C7: variants seen among roughly 807,000 people sequenced by gnomAD.
The protein encoded by C7 is complement component C7.
Under a neutral mutation model 104.8 loss-of-function variants are expected in C7, and 83 were observed. The observed-to-expected ratio is 0.79, with a 90% CI of 0.66 to 0.95. The LOEUF (loss-of-function observed/expected upper bound fraction) is 0.95. C7 is among the 40% of genes least tolerant of loss of function. The probability of loss-of-function intolerance (pLI) is 0.00; values close to 1 mark genes in which losing one functional copy is unlikely to be tolerated. For missense variants in C7, 1,070 were observed against 1,011.2 expected, an observed-to-expected ratio of 1.06 and a Z score of -0.79; for synonymous variants, 415 against 360.6, an observed-to-expected ratio of 1.15 and a Z score of -1.71.
chr5:40,972,546 A>G lies in C7; in HGVS notation c.2026A>G (p.Ser676Gly), dbSNP rs1579875501. Residue 676 changes from serine to glycine, a missense_variant, in exon 15 of 18, where the codon AGC (serine) becomes GGC (glycine). By Grantham distance (56) the Ser-to-Gly change is moderately conservative. Coordinates refer to ENST00000313164, the MANE Select transcript of C7 (RefSeq NM_000587.4). Reference protein sequence around the residue: ...EGPSAFLCGSSLKWSPEMKNA... With the variant: ...EGPSAFLCGSGLKWSPEMKNA... ...TCCTTCAGCATTTCTCTGTGGCTCC[A>G]GCCTTAAGTGGAGTCCTGAGATGAA... 3.1e-6 allele frequency: 5 copies of G among 1,613,190 alleles called. No individual in the cohort carries two copies. Among genetic ancestry groups the G allele is most frequent in the Non-Finnish European group, 4.2e-6 (5 of 1,179,510 alleles).
In C7 at chr5:40,983,218, G is replaced by GAC. The variant is rs1475923488; in HGVS notation, c.*1646_*1647insCA. On this transcript the variant is annotated 3_prime_UTR_variant, in exon 18 of 18. Transcript: ENST00000313164. ...GACACATTTGAACATGCTAGGCCTG[G>GAC]ATGCAGACCCTGAGACAAAAGGTTG... 6.6e-6 allele frequency among the ~76,000 whole-genome samples: 1 copy of GAC among 152,188 alleles called. No homozygotes were observed. The highest frequency in any genetic ancestry group is 6.5e-5 in the Admixed American group (1 of 15,276).
Position 40,931,115 on chromosome 5 carries a change from A to G in C7, c.114A>G (p.Glu38=), listed in dbSNP as rs773585581. 3 of 1,613,316 alleles carry G rather than the reference A, an allele frequency of 1.9e-6. No individual in the cohort carries two copies. In the South Asian group the frequency reaches 3.3e-5, roughly 18 times the overall value. The change falls in exon 3 of 18, where the codon GAA becomes GAG. Residue 38 remains glutamate (E), a synonymous_variant. Transcript: ENST00000313164. The part of the protein sequence containing the change: ...CQWDFYAPWS[E]CNGCTKTQTR... ...GGGACTTCTATGCCCCTTGGTCAGAATGCAATGGCTGTACCAAGACTCAGG... is the reference window on the plus strand; with the variant it reads ...GGGACTTCTATGCCCCTTGGTCAGAGTGCAATGGCTGTACCAAGACTCAGG...
Position 40,982,897 on chromosome 5 carries a change from T to C in C7, c.*1324T>C, listed in dbSNP as rs968438029. The C allele has an allele frequency of 3.3e-5, 5 of 152,368 alleles. No individual in the cohort carries two copies. The highest frequency in any genetic ancestry group is 7.3e-5 in the Non-Finnish European group (5 of 68,034). The allele number at this position is 152,368 out of a possible 1,614,324, so 9.4% of individuals were successfully genotyped here. ...GGTAAATATATTTCAAAACTTCAGA[T>C]GACAAGGATTAGAACACTCATTAAA... On this transcript the variant is annotated 3_prime_UTR_variant, in exon 18 of 18. Transcript: ENST00000313164.
chr5:40,978,826 C>A (rs910323488), intron 16 of C7, among the ~76,000 whole-genome samples: 4 of 146,872 alleles, frequency 2.7e-5, no homozygotes, highest in Non-Finnish European at 4.5e-5. Context: ...TTTTTTTCCA[C>A]TATTTTAGCA....
At chr5:40,951,552 C>T (rs935764351) in intron 9 of C7, among the ~76,000 whole-genome samples, 4 of 152,076 alleles carry the variant, frequency 2.6e-5, no homozygotes, top group African/African-American at 7.2e-5. Context: ...AATCACACTC[C>T]AAAGCTCAGT....
intron 2 of C7, among the ~76,000 whole-genome samples, chr5:40,929,629 T>C (rs1739634926): frequency 6.6e-6 from 1 of 152,212 alleles, no homozygotes; most frequent in African/African-American, 2.4e-5. Flanking sequence ...ATACTAGTTC[T>C]TTTATTCTTC....
intron 1 of C7, among the ~76,000 whole-genome samples, chr5:40,917,334 T>C (rs1478255352): frequency 6.6e-6 from 1 of 152,184 alleles, no homozygotes; most frequent in Admixed American, 6.5e-5. Flanking sequence ...TCAACATTTT[T>C]AGATTCCAAA....
chr5:40,939,562 C>T (rs545455910), intron 6 of C7, among the ~76,000 whole-genome samples: 9 of 152,234 alleles, frequency 5.9e-5, no homozygotes, highest in Middle Eastern at 3.4e-3. Flanking sequence ...CTAAATTCAA[C>T]GTGGTGAATA....
rs141135980 is a variant in C7 at position 40,981,879 on chromosome 5, G to A, written c.*306G>A. The A allele has an allele frequency of 1.8e-5, 4 of 223,716 alleles. No homozygotes were observed. In the East Asian group the frequency reaches 3.7e-4, roughly 21 times the overall value. The allele number at this position is 223,716 out of a possible 1,614,324, so 13.9% of individuals were successfully genotyped here. A position where few individuals can be genotyped will look rare whatever the true frequency, so the allele number is the denominator to read the frequency against. ...TTAAAATCTGTAAAATTAGAGGATT[G>A]CACTAGAGAAACTTGAATGCTCCAT... On this transcript the variant is annotated 3_prime_UTR_variant, in exon 18 of 18. Coordinates refer to ENST00000313164, the MANE Select transcript of C7 (RefSeq NM_000587.4).
In C7 at chr5:40,984,055, G is replaced by T. The variant is rs1741010179; in HGVS notation, c.*2482G>T. On this transcript the variant is annotated 3_prime_UTR_variant, in exon 18 of 18. Transcript: ENST00000313164. Reference sequence around the variant, plus strand: ...CAGATCATCGCTTACCACTCATGAGGACGCTACAAGTTACCTGGGCAGAGA... The same window carrying T: ...CAGATCATCGCTTACCACTCATGAGTACGCTACAAGTTACCTGGGCAGAGA... Among the ~76,000 whole-genome samples the T allele has an allele frequency of 6.6e-6, 1 of 152,178 alleles. No individual in the cohort carries two copies. The highest frequency in any genetic ancestry group is 1.5e-5 in the Non-Finnish European group (1 of 68,038).
chr5:40,967,286 C>T (rs909926899), intron 14 of C7, among the ~76,000 whole-genome samples: 1 of 151,980 alleles, frequency 6.6e-6, no homozygotes, highest in African/African-American at 2.4e-5. Flanking sequence ...GGATGGTCTC[C>T]ATCTCTTGAC....
rs765144295 is a variant in C7 at position 40,979,924 on chromosome 5, A to G, written c.2350+15A>G. 3 of 1,558,708 alleles carry G rather than the reference A, an allele frequency of 1.9e-6. No individual in the cohort carries two copies. The African/African-American group carries it at 4.1e-5, about 21-fold the overall frequency. On this transcript the variant is annotated intron_variant, in intron 17 of 17. Transcript: ENST00000313164. ...AAAATGTGATGGTAAGGGGCCTTTCATATTTGTAAGTATAAGAATGCTAAA... is the reference window on the plus strand; with the variant it reads ...AAAATGTGATGGTAAGGGGCCTTTCGTATTTGTAAGTATAAGAATGCTAAA...
At chr5:40,978,577 G>A (rs1470742131) in intron 16 of C7, among the ~76,000 whole-genome samples, 1 of 152,184 alleles carries the variant, frequency 6.6e-6, no homozygotes, top group Admixed American at 6.5e-5. Flanking sequence ...CAGATGAAAA[G>A]ATAGATTCAA....
Position 40,976,804 on chromosome 5 carries a change from A to G in C7, c.2129A>G (p.Asn710Ser). The G allele has an allele frequency of 6.2e-7, 1 of 1,607,674 alleles. No individual in the cohort carries two copies. The highest frequency in any genetic ancestry group is 8.5e-7 in the Non-Finnish European group (1 of 1,176,812). Reference protein sequence around the residue: ...PKCQRWEKLQNSRCVCKMPYE... With the variant: ...PKCQRWEKLQSSRCVCKMPYE... ...TGTCAGCGCTGGGAGAAACTGCAGAATTCAAGATGTGTTTGTAAAATGCCC... is the reference window on the plus strand; with the variant it reads ...TGTCAGCGCTGGGAGAAACTGCAGAGTTCAAGATGTGTTTGTAAAATGCCC... Residue 710 changes from asparagine to serine, a missense_variant, in exon 16 of 18, where the codon AAT (asparagine) becomes AGT (serine). Physicochemically the swap from Asn to Ser is conservative, Grantham distance 46. Coordinates refer to ENST00000313164, the MANE Select transcript of C7 (RefSeq NM_000587.4).
intron 4 of C7, among the ~76,000 whole-genome samples, chr5:40,936,006 G>C (rs1739807527): frequency 6.6e-6 from 1 of 152,132 alleles, no homozygotes. Flanking sequence ...AAAAGTGAAA[G>C]TTGAAGGGCA....
At chr5:40,960,611 T>A (rs907731993) in intron 12 of C7, among the ~76,000 whole-genome samples, 2 of 152,038 alleles carry the variant, frequency 1.3e-5, no homozygotes, top group Non-Finnish European at 2.9e-5. Context: ...GAGAGGTACA[T>A]CCTAAGAAAG....
At chr5:40,977,502 A>G (rs1189077968) in intron 16 of C7, among the ~76,000 whole-genome samples, 1 of 152,246 alleles carries the variant, frequency 6.6e-6, no homozygotes, top group Non-Finnish European at 1.5e-5. Flanking sequence ...AGGTCCAAGG[A>G]GTAAGGAGAG....
intron 1 of C7, among the ~76,000 whole-genome samples, chr5:40,925,371 C>G (rs1194678184): frequency 6.6e-6 from 1 of 152,202 alleles, no homozygotes; most frequent in Non-Finnish European, 1.5e-5. Flanking sequence ...CAATAAGTTT[C>G]TCATTTCCAT....
intron 9 of C7, among the ~76,000 whole-genome samples, chr5:40,953,943 A>G (rs1261205575): frequency 6.6e-6 from 1 of 152,264 alleles, no homozygotes; most frequent in African/African-American, 2.4e-5. Flanking sequence ...TATGAGTACA[A>G]TATGCTTATT....
Sources: allele counts gnomAD v4.1 joint callset (sites outside exome capture counted in the v4.1 genomes callset), GRCh38; gene constraint gnomAD v4.1.1; transcripts MANE v1.5; gene names NCBI Gene and HGNC (gene_info 2026-07-23, HGNC 2026-07-21).